The following LY6S variants were observed in gnomAD, a reference collection of about 807,000 sequenced individuals.
The protein encoded by LY6S is lymphocyte antigen 6 family member S.
the LY6S span, among the ~76,000 whole-genome samples, chr8:143,048,468 TTC>T: frequency 8.9e-5 from 9 of 101,474 alleles, no homozygotes; most frequent in African/African-American, 3.2e-4. Context: ...TTACAAAATT[TTC>T]TTTTTTTTTT....
chr8:143,050,936 C>T, the LY6S span, among the ~76,000 whole-genome samples: 2 of 152,228 alleles, frequency 1.3e-5, no homozygotes, highest in Admixed American at 6.5e-5. Flanking sequence ...CGGGGAAAGG[C>T]GCTTCACGGG....
chr8:143,071,836 AG>A, the LY6S span, among the ~76,000 whole-genome samples: 51 of 152,212 alleles, frequency 3.4e-4, 1 homozygote, highest in Non-Finnish European at 6.8e-4. Flanking sequence ...GATCTACGGG[AG>A]TTTCCCTTAG....
At chr8:143,071,504 C>T in the LY6S span, among the ~76,000 whole-genome samples, 1 of 152,258 alleles carries the variant, frequency 6.6e-6, no homozygotes, top group African/African-American at 2.4e-5. Flanking sequence ...ATCGGTTTAT[C>T]CATTGTACCA....
chr8:143,056,651 G>C, the LY6S span, among the ~76,000 whole-genome samples: 113,825 of 151,864 alleles, frequency 0.75, 43,061 homozygotes, highest in East Asian at 0.93. Context: ...TTTTTGGAAT[G>C]AATCTATGCA....
chr8:143,046,577 C>CA, the LY6S span, among the ~76,000 whole-genome samples: 632 of 75,838 alleles, frequency 8.3e-3, 14 homozygotes, highest in East Asian at 0.1. Context: ...GACTCCAGCT[C>CA]AAAAAAAAAA....
chr8:143,044,380 A>G, the LY6S span: 7 of 385,166 alleles, frequency 1.8e-5, no homozygotes, highest in South Asian at 1.2e-4. Flanking sequence ...TGGTTTCCAC[A>G]GTAATGAGGG....
the LY6S span, chr8:143,066,453 C>T: frequency 8.7e-5 from 18 of 206,532 alleles, no homozygotes; most frequent in South Asian, 1.6e-4. Context: ...TGAGCCACTG[C>T]GCCCAGCCTC....
the LY6S span, among the ~76,000 whole-genome samples, chr8:143,069,473 C>CA: frequency 6.6e-6 from 1 of 152,188 alleles, no homozygotes; most frequent in Admixed American, 6.5e-5. Flanking sequence ...AATCTTGAGA[C>CA]AGACAGGCCA....
At chr8:143,060,134 T>C in the LY6S span, among the ~76,000 whole-genome samples, 6 of 152,192 alleles carry the variant, frequency 3.9e-5, no homozygotes, top group African/African-American at 1.4e-4. Context: ...AGTGCGAGCC[T>C]TCTGTCATGC....
the LY6S span, among the ~76,000 whole-genome samples, chr8:143,070,471 A>G: frequency 2.8e-5 from 1 of 35,938 alleles, no homozygotes; most frequent in African/African-American, 8.3e-5. Flanking sequence ...TATAATATAT[A>G]TATAAATATA....
At chr8:143,054,770 GT>G in the LY6S span, among the ~76,000 whole-genome samples, 1 of 152,174 alleles carries the variant, frequency 6.6e-6, no homozygotes, top group Admixed American at 6.5e-5. Context: ...CTTCCCTTGG[GT>G]TTAGTATTAT....
the LY6S span, chr8:143,057,685 C>A: frequency 1.2e-6 from 1 of 847,380 alleles, no homozygotes; most frequent in South Asian, 1.3e-5. Flanking sequence ...CGGGATGAAT[C>A]CAGCAAGCAG....
At chr8:143,070,853 T>C in the LY6S span, among the ~76,000 whole-genome samples, 704 of 152,266 alleles carry the variant, frequency 4.6e-3, 3 homozygotes, top group African/African-American at 0.016. Context: ...TATTATTTTA[T>C]ACAGGGACTG....
the LY6S span, among the ~76,000 whole-genome samples, chr8:143,050,189 T>C: frequency 6.7e-6 from 1 of 150,340 alleles, no homozygotes; most frequent in Non-Finnish European, 1.5e-5. Context: ...TTTTTTTTTT[T>C]TTTTTTTTTT....
At chr8:143,072,961 GTT>G in the LY6S span, among the ~76,000 whole-genome samples, 1 of 79,000 alleles carries the variant, frequency 1.3e-5, no homozygotes, top group African/African-American at 4.3e-5. Flanking sequence ...CGTCCTCGGG[GTT>G]CCTGTTTGAG....
chr8:143,070,467 ATATATATAAATATATATATATATTTTT>A, the LY6S span, among the ~76,000 whole-genome samples: 1 of 34,872 alleles, frequency 2.9e-5, no homozygotes, highest in African/African-American at 8.7e-5. Context: ...TATATATAAT[ATATATATAAATATATATATATATTTTT>A]TTTTTTTTTT....
At chr8:143,068,453 C>G in the LY6S span, among the ~76,000 whole-genome samples, 26 of 152,186 alleles carry the variant, frequency 1.7e-4, no homozygotes, top group African/African-American at 6.3e-4. Context: ...TTCTTTTCCC[C>G]ACAACCTGCT....
At chr8:143,054,798 A>G in the LY6S span, among the ~76,000 whole-genome samples, 1 of 152,178 alleles carries the variant, frequency 6.6e-6, no homozygotes, top group Non-Finnish European at 1.5e-5. Context: ...TATTGGGATT[A>G]GCAGGGACAG....
At chr8:143,056,786 G>A in the LY6S span, among the ~76,000 whole-genome samples, 221 of 152,112 alleles carry the variant, frequency 1.5e-3, no homozygotes, top group Middle Eastern at 0.014. Context: ...CAAAATGCTC[G>A]TTTAATTTTG....
Sources: allele counts gnomAD v4.1 joint callset (sites outside exome capture counted in the v4.1 genomes callset), GRCh38; gene constraint gnomAD v4.1.1; transcripts MANE v1.5; gene names NCBI Gene and HGNC (gene_info 2026-07-23, HGNC 2026-07-21).